HIBCH: variants seen among roughly 807,000 people sequenced by gnomAD.
The protein encoded by HIBCH is 3-hydroxyisobutyryl-CoA hydrolase, mitochondrial.
HIBCH carries 50 observed loss-of-function variants against 58.2 expected under a neutral mutation model. The ratio of observed to expected loss-of-function variants is 0.86; its 90% CI spans 0.68 to 1.09. HIBCH has a LOEUF of 1.09. Among genes scored for constraint, HIBCH ranks in the 50% least tolerant of loss-of-function variants. The pLI, the probability that HIBCH is intolerant of heterozygous loss-of-function variation, is 0.00. For synonymous variants in HIBCH, 151 were observed against 146.9 expected (o/e 1.03, Z -0.20); for missense variants, 450 against 449.7 (o/e 1.00, Z -0.01).
At chr2:190,239,796 T>A (rs1056430517) in intron 11 of HIBCH, among the ~76,000 whole-genome samples, 39 of 151,924 alleles carry the variant, frequency 2.6e-4, no homozygotes, top group Non-Finnish European at 1.2e-4. Context: ...ATTATAGCCA[T>A]GTGCCACCAC....
intron 6 of HIBCH, among the ~76,000 whole-genome samples, chr2:190,267,447 T>C (rs1575736948): frequency 6.6e-6 from 1 of 152,286 alleles, no homozygotes; most frequent in East Asian, 1.9e-4. Flanking sequence ...TTCATCCACC[T>C]CGGCCTCCCA....
In HIBCH at chr2:190,261,157, T is replaced by C; in HGVS notation, c.516A>G (p.Ile172Met). 1 of 1,611,266 alleles carries C rather than the reference T, an allele frequency of 6.2e-7. No homozygotes were observed. Among genetic ancestry groups the C allele is most frequent in the Non-Finnish European group, 8.5e-7 (1 of 1,177,618 alleles). The change falls in exon 7 of 14, where the codon ATA becomes ATG. Residue 172 changes from isoleucine to methionine, a missense_variant and splice_region_variant. Coordinates refer to ENST00000359678, the MANE Select transcript of HIBCH (RefSeq NM_014362.4). ...KCLFAMPETA[I>M]GLFPDVGGGY... ...ATAAAAAAAATTCTGGTTGTTTACC[T>C]ATTGCAGTTTCTGGCATAGCAAAAA...
chr2:190,220,139 T>G (rs970819347), intron 11 of HIBCH, among the ~76,000 whole-genome samples: 1 of 152,244 alleles, frequency 6.6e-6, no homozygotes, highest in Non-Finnish European at 1.5e-5. Context: ...CTATCACTAG[T>G]TCCAAGATGT....
rs767597690 is a variant in HIBCH at position 190,296,902 on chromosome 2, C to CT, written c.129dup (p.Gly44ArgfsTer20). On this transcript the variant is annotated frameshift_variant, in exon 3 of 14. Coordinates refer to ENST00000359678, the MANE Select transcript of HIBCH (RefSeq NM_014362.4). LOFTEE classifies it high-confidence loss of function. ...TTTAGTGTTATGACTCCCGTGCAACCTTTTTTTTCCAATAGCACCTCTTCT... is the reference window on the plus strand; with the variant it reads ...TTTAGTGTTATGACTCCCGTGCAACCTTTTTTTTTCCAATAGCACCTCTTCT... The CT allele has an allele frequency of 2.9e-5, 47 of 1,607,182 alleles. No individual in the cohort carries two copies. Among genetic ancestry groups the CT allele is most frequent in the South Asian group, 7.7e-5 (7 of 90,882 alleles).
At chr2:190,283,155 T>A (rs1369890089) in intron 6 of HIBCH, among the ~76,000 whole-genome samples, 1 of 152,192 alleles carries the variant, frequency 6.6e-6, no homozygotes, top group Non-Finnish European at 1.5e-5. Context: ...TAGATATGAG[T>A]TCTAAATTTC....
chr2:190,195,378 ACTTT>A (rs1289889853), intron 1 of HIBCH, among the ~76,000 whole-genome samples: 1 of 152,166 alleles, frequency 6.6e-6, no homozygotes, highest in Non-Finnish European at 1.5e-5. Context: ...AGAATGTTTC[ACTTT>A]CTAAGAAACT....
chr2:190,291,126 A>T (rs913213545), intron 4 of HIBCH, among the ~76,000 whole-genome samples: 1 of 152,216 alleles, frequency 6.6e-6, no homozygotes, highest in African/African-American at 2.4e-5. Context: ...GTCTTAATAC[A>T]AAATGTATTA....
intron 5 of HIBCH, among the ~76,000 whole-genome samples, chr2:190,288,894 C>T (rs2105983487): frequency 1.3e-5 from 2 of 152,182 alleles, no homozygotes; most frequent in South Asian, 4.1e-4. Context: ...GATGGATCAC[C>T]TAGGGTCAGG....
intron 11 of HIBCH, among the ~76,000 whole-genome samples, chr2:190,235,269 T>G (rs1225008697): frequency 6.6e-6 from 1 of 152,212 alleles, no homozygotes; most frequent in African/African-American, 2.4e-5. Flanking sequence ...AGGCTTCAGA[T>G]GTACCGAATC....
intron 1 of HIBCH, among the ~76,000 whole-genome samples, chr2:190,317,814 CTTTTCCTT>C (rs1559070190): frequency 6.6e-6 from 1 of 151,110 alleles, no homozygotes; most frequent in Non-Finnish European, 1.5e-5. Flanking sequence ...ATTTATTTTT[CTTTTCCTT>C]TTTTCCTTTT....
At chr2:190,308,537 T>G (rs1403034977) in intron 2 of HIBCH, among the ~76,000 whole-genome samples, 3 of 151,896 alleles carry the variant, frequency 2.0e-5, no homozygotes, top group Non-Finnish European at 4.4e-5. Context: ...AGACTGTAGG[T>G]TTATAAGAGG....
rs1690427434 is a variant in HIBCH, at chr2:190,207,823, G to C, written c.1045+1057C>G. 6.6e-6 allele frequency among the ~76,000 whole-genome samples: 1 copy of C among 152,128 alleles called. No homozygotes were observed. The highest frequency in any genetic ancestry group is 6.5e-5 in the Admixed American group (1 of 15,272). ...TTGAACCTGGGAGGTGGAGGTTGCA[G>C]TAAGCCGAAAGTGCACCACTGCACT... On this transcript the variant is annotated intron_variant, in intron 13 of 13. Coordinates refer to ENST00000359678, the MANE Select transcript of HIBCH (RefSeq NM_014362.4). This position sits in a 1 kb window ranked among gnomAD's most constrained non-coding sequence, Gnocchi z 4.5.
chr2:190,229,770 A>G (rs1370875625), intron 11 of HIBCH, among the ~76,000 whole-genome samples: 1 of 152,226 alleles, frequency 6.6e-6, no homozygotes, highest in Non-Finnish European at 1.5e-5. Flanking sequence ...AATGTTTTCT[A>G]CAAGGGCAAA....
At position 190,285,664 on chromosome 2, in the gene HIBCH, C is replaced by T. The variant is rs1488106595; in HGVS notation, c.438+1922G>A. 2.0e-5 allele frequency among the ~76,000 whole-genome samples: 3 copies of T among 148,204 alleles called. 1 individual carries two copies. The highest frequency in any genetic ancestry group is 7.9e-5 in the African/African-American group (3 of 37,882). On this transcript the variant is annotated intron_variant, in intron 6 of 13. Coordinates refer to ENST00000359678, the MANE Select transcript of HIBCH (RefSeq NM_014362.4). ...ATTCCACCTTTTGGCCTCATACTACCTACCTACCTAGGCTCTACCTACCTG... is the reference window on the plus strand; with the variant it reads ...ATTCCACCTTTTGGCCTCATACTACTTACCTACCTAGGCTCTACCTACCTG...
downstream of HIBCH, chr2:190,200,209 C>A: frequency 7.2e-7 from 1 of 1,390,196 alleles, no homozygotes. Flanking sequence ...GTGACAAAAG[C>A]AAAAACTGGT....
downstream of HIBCH, chr2:190,199,636 C>G: frequency 9.3e-7 from 1 of 1,071,860 alleles, no homozygotes; most frequent in Non-Finnish European, 1.2e-6. Flanking sequence ...TTACATGCCA[C>G]TCAATCATAC....
At chr2:190,314,300 CATATATATGT>C (rs1688639379) in intron 1 of HIBCH, among the ~76,000 whole-genome samples, 1 of 42,422 alleles carries the variant, frequency 2.4e-5, no homozygotes, top group African/African-American at 6.0e-5. Context: ...TGTATATATA[CATATATATGT>C]GTATATATAT....
intron 11 of HIBCH, among the ~76,000 whole-genome samples, chr2:190,233,428 A>G (rs1323124800): frequency 1.3e-5 from 2 of 152,198 alleles, no homozygotes; most frequent in African/African-American, 4.8e-5. Context: ...ATGATAGTGA[A>G]TAAGTCTCAC....
intron 11 of HIBCH, among the ~76,000 whole-genome samples, chr2:190,228,915 A>G (rs912834125): frequency 2.0e-5 from 3 of 152,198 alleles, no homozygotes; most frequent in African/African-American, 7.2e-5. Flanking sequence ...GCACTTAAAG[A>G]GCATTATCAG....
Sources: allele counts gnomAD v4.1 joint callset (sites outside exome capture counted in the v4.1 genomes callset), GRCh38; gene constraint gnomAD v4.1.1; non-coding constraint Gnocchi (gnomAD v3.1); transcripts MANE v1.5; gene names NCBI Gene and HGNC (gene_info 2026-07-23, HGNC 2026-07-21).